Variants in ABHD8 observed in about 807,000 individuals in gnomAD.
ABHD8 encodes the protein protein ABHD8.
Under a neutral mutation model 29.3 loss-of-function variants are expected in ABHD8, and 10 were observed. The observed-to-expected ratio is 0.34, with a 90% CI of 0.21 to 0.58. The LOEUF is 0.58. ABHD8 is among the 20% of genes least tolerant of loss of function. ABHD8 has a pLI of 0.85. For missense variants in ABHD8, 556 were observed against 615.3 expected, an observed-to-expected ratio of 0.90 and a Z score of 1.02; for synonymous variants, 282 against 274.6, an observed-to-expected ratio of 1.03 and a Z score of -0.27.
intron 4 of ABHD8, 36 bp from the exon 5 acceptor site, chr19:17,292,867 AAG>A (rs1035848497): frequency 7.5e-6 from 12 of 1,595,562 alleles, no homozygotes; most frequent in Non-Finnish European, 8.6e-6. Flanking sequence ...AGGCGGGGGC[AAG>A]AGGGTGGAGA....
In ABHD8 at chr19:17,301,244, C is replaced by G; in HGVS notation, c.373G>C (p.Ala125Pro). 6.3e-7 allele frequency: 1 copy of G among 1,595,050 alleles called. No homozygotes were observed. Among genetic ancestry groups the G allele is most frequent in the South Asian group, 1.1e-5 (1 of 89,750 alleles). The change falls in exon 2 of 5, where the codon GCG (alanine) becomes CCG (proline). Residue 125 changes from alanine to proline, a missense_variant. Physicochemically the swap from Ala to Pro is conservative, Grantham distance 27. Around this residue, in one of 2 missense-constraint regions of ABHD8, gnomAD observed 286 missense variants for 261.4 expected, o/e 1.09. Transcript: ENST00000247706. The stretch of plus-strand genomic sequence containing the variant: ...GGGGCCAAGCGGCCATCGCTGCCCG[C>G]CGGATCTGCCAGCTCCACCTCCAGG... ...AALEVELADP[A>P]GSDGRLAPGS...
At chr19:17,295,133 C>G (rs1223586817) in intron 2 of ABHD8, among the ~76,000 whole-genome samples, 1 of 137,260 alleles carries the variant, frequency 7.3e-6, no homozygotes, top group East Asian at 2.2e-4. Context: ...GAGTCTCGCT[C>G]TGTCGCCCAG....
chr19:17,301,950 T>C (rs1445386837), intron 1 of ABHD8, among the ~76,000 whole-genome samples: 1 of 152,100 alleles, frequency 6.6e-6, no homozygotes, highest in African/African-American at 2.4e-5. Context: ...GGTGCCACCA[T>C]GTCTAGCTAA....
chr19:17,300,900 C>G lies in ABHD8; in HGVS notation c.717G>C (p.Lys239Asn). 6.2e-7 allele frequency: 1 copy of G among 1,607,460 alleles called. No individual in the cohort carries two copies. The highest frequency in any genetic ancestry group is 8.5e-7 in the Non-Finnish European group (1 of 1,175,414). The change falls in exon 2 of 5, where the codon AAG (lysine) becomes AAC (asparagine). Residue 239 changes from lysine to asparagine, a missense_variant. Physicochemically the swap from Lys to Asn is moderately conservative, Grantham distance 94. Coordinates refer to ENST00000247706, the MANE Select transcript of ABHD8 (RefSeq NM_024527.5). ...ALAEDMRAIF[K>N]RYAKKRNVLI... The stretch of plus-strand genomic sequence containing the variant: ...GCACATTTCGCTTCTTGGCATAGCG[C>G]TTGAAGATTGCTCGCATGTCCTCAG...
At chr19:17,298,705 A>G (rs1489318320) in intron 2 of ABHD8, among the ~76,000 whole-genome samples, 1 of 151,158 alleles carries the variant, frequency 6.6e-6, no homozygotes. Flanking sequence ...ACCTGGCCAA[A>G]CACGATAGTG....
rs1555720780 is a variant in ABHD8 at position 17,299,235 on chromosome 19, C to CCG, written c.761+1620_761+1621insCG. Among the ~76,000 whole-genome samples, 39 of 10,804 alleles carry CCG rather than the reference C, an allele frequency of 3.6e-3. 2 individuals are homozygous for CCG. The highest frequency in any genetic ancestry group is 0.015 in the African/African-American group (21 of 1,402). 7.1% of individuals were successfully genotyped at this position (10,804 alleles called of 152,430 possible). ...GACCAGCCTGGGCAACATAATGAGA[C>CCG]CCCCCCCCCATTCTCTATATAATTT... On this transcript the variant is annotated intron_variant, in intron 2 of 4. Transcript: ENST00000247706.
chr19:17,301,729 T>C (rs1319862911), intron 1 of ABHD8, 105 bp from the exon 2 acceptor site: 4 of 1,329,018 alleles, frequency 3.0e-6, no homozygotes, highest in Non-Finnish European at 3.9e-6. Context: ...AGACTCCAGT[T>C]TGGGGAGCGC....
At position 17,300,898 on chromosome 19, in the gene ABHD8, C is replaced by A. The variant is rs1392149270; in HGVS notation, c.719G>T (p.Arg240Leu). ...LAEDMRAIFK[R>L]YAKKRNVLIG... ...GAGCACATTTCGCTTCTTGGCATAGCGCTTGAAGATTGCTCGCATGTCCTC... is the reference window on the plus strand; with the variant it reads ...GAGCACATTTCGCTTCTTGGCATAGAGCTTGAAGATTGCTCGCATGTCCTC... The change falls in exon 2 of 5, where the codon CGC becomes CTC. Residue 240 changes from arginine to leucine, a missense_variant. Arg to Leu is a moderately radical substitution (Grantham distance 102). Transcript: ENST00000247706. The A allele has an allele frequency of 6.2e-7, 1 of 1,605,976 alleles. No homozygotes were observed. Among genetic ancestry groups the A allele is most frequent in the Admixed American group, 1.7e-5 (1 of 59,208 alleles).
chr19:17,299,757 A>T (rs923743501), intron 2 of ABHD8, among the ~76,000 whole-genome samples: 14 of 151,804 alleles, frequency 9.2e-5, no homozygotes, highest in Admixed American at 4.6e-4. Flanking sequence ...GAAAAATGGG[A>T]TTTTTTTCAA....
chr19:17,293,943 C>T (rs2074081900), intron 4 of ABHD8, among the ~76,000 whole-genome samples: 1 of 152,084 alleles, frequency 6.6e-6, no homozygotes, highest in African/African-American at 2.4e-5. Context: ...ATCTAAAGAT[C>T]CCCTGGTGCC....
In ABHD8 at chr19:17,292,319, A is replaced by C. The variant is rs2145649220; in HGVS notation, c.*342T>G. 5.2e-6 allele frequency: 2 copies of C among 385,974 alleles called. No individual in the cohort carries two copies. The highest frequency in any genetic ancestry group is 7.9e-5 in the East Asian group (2 of 25,264). The allele number at this position is 385,974 out of a possible 1,614,324, so 23.9% of individuals were successfully genotyped here. A position where few individuals can be genotyped will look rare whatever the true frequency, so the allele number is the denominator to read the frequency against. On this transcript the variant is annotated 3_prime_UTR_variant, in exon 5 of 5. Coordinates refer to ENST00000247706, the MANE Select transcript of ABHD8 (RefSeq NM_024527.5). Reference sequence around the variant, plus strand: ...GGGCTCGTGGGTCCCAGGATCAAGCACGGCTGACACGGAAGACAGCGGGGT... The same window carrying C: ...GGGCTCGTGGGTCCCAGGATCAAGCCCGGCTGACACGGAAGACAGCGGGGT...
chr19:17,294,958 CT>C, intron 2 of ABHD8, 113 bp from the exon 3 acceptor site: 1 of 1,323,514 alleles, frequency 7.6e-7, no homozygotes, highest in Non-Finnish European at 1.0e-6. Flanking sequence ...CAGTTTTACT[CT>C]GTCCCCCAGG....
chr19:17,294,440 C>T lies in ABHD8; in HGVS notation c.997G>A (p.Val333Met). ...QLLKEGNAFN[V>M]SSFVLRAMMS... ...ATGGCCCGGAGTACGAAGGATGACA[C>T]GTTGAAAGCGTTGCCCTCCTTTAAC... Residue 333 changes from valine to methionine, a missense_variant, in exon 4 of 5, where the codon GTG becomes ATG. By Grantham distance (21) the Val-to-Met change is conservative. Coordinates refer to ENST00000247706, the MANE Select transcript of ABHD8 (RefSeq NM_024527.5). The T allele has an allele frequency of 6.2e-7, 1 of 1,614,152 alleles. No individual in the cohort carries two copies. Among genetic ancestry groups the T allele is most frequent in the Non-Finnish European group, 8.5e-7 (1 of 1,179,996 alleles).
intron 4 of ABHD8, among the ~76,000 whole-genome samples, chr19:17,293,181 T>C (rs1289912920): frequency 1.3e-5 from 2 of 150,394 alleles, no homozygotes; most frequent in Non-Finnish European, 1.5e-5. Flanking sequence ...CTCCAACCTC[T>C]GCCTCCCGGC....
In ABHD8 at chr19:17,301,007, C is replaced by T; in HGVS notation, c.610G>A (p.Glu204Lys). ...CCGGCCAGGTCAGGAGCCACCACCT[C>T]ATAGCCTAGGCGCACAAAGAAGTCC... The part of the protein sequence containing the change: ...QLDFFVRLGY[E>K]VVAPDLAGHG... Residue 204 changes from glutamate to lysine, a missense_variant, in exon 2 of 5, where the codon GAG (glutamate) becomes AAG (lysine). Physicochemically the swap from Glu to Lys is moderately conservative, Grantham distance 56 (BLOSUM62 1). This residue lies in a region of ABHD8 where 270 missense variants were observed against 353.9 expected (regional missense o/e 0.76). Coordinates refer to ENST00000247706, the MANE Select transcript of ABHD8 (RefSeq NM_024527.5). The T allele has an allele frequency of 6.2e-7, 1 of 1,613,514 alleles. No homozygotes were observed. Among genetic ancestry groups the T allele is most frequent in the Non-Finnish European group, 8.5e-7 (1 of 1,180,038 alleles).
intron 2 of ABHD8, among the ~76,000 whole-genome samples, chr19:17,299,454 G>A (rs1225374518): frequency 6.6e-6 from 1 of 151,446 alleles, no homozygotes; most frequent in Non-Finnish European, 1.5e-5. Flanking sequence ...CCAGCTACTA[G>A]GGAGGCTGAG....
rs375393929 is a variant in ABHD8 at position 17,297,496 on chromosome 19, A to G, written c.762-2651T>C. On this transcript the variant is annotated intron_variant, in intron 2 of 4. Transcript: ENST00000247706. Reference sequence around the variant, plus strand: ...TTTTTATTAGAGACGGGGTTTCACCATTTTGGCCAGGCTGGTCTTGAACTC... The same window carrying G: ...TTTTTATTAGAGACGGGGTTTCACCGTTTTGGCCAGGCTGGTCTTGAACTC... Among the ~76,000 whole-genome samples, 118 of 151,836 alleles carry G rather than the reference A, an allele frequency of 7.8e-4. 3 individuals are homozygous for G. The South Asian group carries it at 0.024, about 31-fold the overall frequency.
intron 2 of ABHD8, among the ~76,000 whole-genome samples, 176 bp downstream of exon 2, chr19:17,300,680 C>T (rs535644224): frequency 6.6e-6 from 1 of 152,196 alleles, no homozygotes; most frequent in African/African-American, 2.4e-5. Flanking sequence ...GTTTCACCAC[C>T]TTGGCCAGAC....
chr19:17,294,584 C>A, intron 3 of ABHD8, 80 bp from the exon 4 acceptor site: 1 of 1,607,676 alleles, frequency 6.2e-7, no homozygotes, highest in South Asian at 1.1e-5. Context: ...AGCCCTAGTC[C>A]CAGCGGTACA....
Sources: gnomAD v4.1 joint callset for allele counts (sites outside exome capture counted in the v4.1 genomes callset) on GRCh38, gnomAD v4.1.1 for gene constraint, gnomAD v4.1.1 regional missense constraint, MANE v1.5 for transcripts, NCBI Gene and HGNC (gene_info 2026-07-23, HGNC 2026-07-21) for gene names.